Variants in HDAC4 observed in about 807,000 individuals in gnomAD.
The protein encoded by HDAC4 is histone deacetylase A.
HDAC4 carries 16 observed loss-of-function variants against 135.1 expected under a neutral mutation model. That is an observed-to-expected ratio of 0.12 (90% CI 0.08 to 0.18). The LOEUF (loss-of-function observed/expected upper bound fraction) is 0.18, where lower values mean the gene tolerates loss of function less well. HDAC4 is among the 10% of genes least tolerant of loss of function. The pLI is 1.00. For synonymous variants in HDAC4, 685 were observed against 653.4 expected (o/e 1.05, Z -0.74); for missense variants, 1,143 against 1,511.8 (o/e 0.76, Z 4.05).
At position 239,400,930 on chromosome 2, in the gene HDAC4, G is replaced by T. The variant is rs927574741; in HGVS notation, c.-220+48C>A. On this transcript the variant is annotated intron_variant, in intron 1 of 26. Transcript: ENST00000543185. This position sits in a 1 kb window ranked among gnomAD's most constrained non-coding sequence, Gnocchi z 4.7. Reference sequence around the variant, plus strand: ...GCGGCGGCGGGGACGGTGCTCCGCGGCGGCGGCCCCACAACCTCCCCTCCT... The same window carrying T: ...GCGGCGGCGGGGACGGTGCTCCGCGTCGGCGGCCCCACAACCTCCCCTCCT... 1.3e-5 allele frequency: 2 copies of T among 150,178 alleles called. No individual in the cohort carries two copies. Among genetic ancestry groups the T allele is most frequent in the African/African-American group, 4.9e-5 (2 of 41,112 alleles). 9.3% of individuals were successfully genotyped at this position (150,178 alleles called of 1,614,324 possible).
intron 2 of HDAC4, among the ~76,000 whole-genome samples, chr2:239,304,236 C>T (rs527825043): frequency 6.6e-6 from 1 of 152,036 alleles, no homozygotes; most frequent in African/African-American, 2.4e-5. Context: ...GACACAAAGC[C>T]CAGAGCTGGG....
rs1303310913 is a variant in HDAC4 at position 239,146,573 on chromosome 2, C to T, written c.734-1859G>A. ...CGCCTCCCCCAGGCCCTGTGGGGGT[C>T]ATCACGCTGCCACCAGGTCATCAGT... On this transcript the variant is annotated intron_variant, in intron 7 of 26. Transcript: ENST00000543185. The surrounding 1 kb of genome is among the most constrained non-coding windows in gnomAD (Gnocchi z 4.5). Among the ~76,000 whole-genome samples the T allele has an allele frequency of 6.6e-6, 1 of 152,160 alleles. No individual in the cohort carries two copies. Among genetic ancestry groups the T allele is most frequent in the Admixed American group, 6.5e-5 (1 of 15,286 alleles).
intron 2 of HDAC4, among the ~76,000 whole-genome samples, chr2:239,323,222 C>T (rs1406972164): frequency 1.3e-5 from 2 of 152,072 alleles, no homozygotes; most frequent in African/African-American, 4.8e-5. Context: ...GCTGTTCTAT[C>T]GTGTATGTAA....
chr2:239,315,476 C>T (rs998033086), intron 2 of HDAC4, among the ~76,000 whole-genome samples: 1 of 152,174 alleles, frequency 6.6e-6, no homozygotes, highest in African/African-American at 2.4e-5. Context: ...GAGAAACATT[C>T]AAAATGAAAC....
chr2:239,370,433 G>A (rs1694521418), intron 1 of HDAC4, among the ~76,000 whole-genome samples: 1 of 151,908 alleles, frequency 6.6e-6, no homozygotes, highest in African/African-American at 2.4e-5. Flanking sequence ...CTGCTACTTA[G>A]CAGACTTGTA....
chr2:239,192,568 G>T (rs2045061999), intron 3 of HDAC4, among the ~76,000 whole-genome samples: 1 of 152,162 alleles, frequency 6.6e-6, no homozygotes, highest in African/African-American at 2.4e-5. Flanking sequence ...TCAGCTGGCG[G>T]GCTCCCTGCT....
At chr2:239,056,244 G>A (rs1361192481) in intron 24 of HDAC4, among the ~76,000 whole-genome samples, 1 of 152,232 alleles carries the variant, frequency 6.6e-6, no homozygotes, top group Admixed American at 6.5e-5. Flanking sequence ...ACACGGAAGT[G>A]AGTCAGCACG....
At chr2:239,286,287 A>C (rs1311255990) in intron 2 of HDAC4, among the ~76,000 whole-genome samples, 1 of 152,254 alleles carries the variant, frequency 6.6e-6, no homozygotes, top group Non-Finnish European at 1.5e-5. Flanking sequence ...CATTTTAAAA[A>C]AAAGAAAACC....
At chr2:239,249,311 G>A (rs1159689133) in intron 2 of HDAC4, among the ~76,000 whole-genome samples, 3 of 152,228 alleles carry the variant, frequency 2.0e-5, no homozygotes, top group African/African-American at 7.2e-5. Flanking sequence ...GTGTCGCCCA[G>A]GGCGGGGAGG....
intron 2 of HDAC4, among the ~76,000 whole-genome samples, chr2:239,248,968 C>T (rs114442956): frequency 6.9e-4 from 105 of 152,370 alleles, no homozygotes; most frequent in African/African-American, 2.5e-3. Context: ...CCCAAACTTC[C>T]ACTGCTGAAG....
chr2:239,311,353 A>C (rs1214622915), intron 2 of HDAC4, among the ~76,000 whole-genome samples: 1 of 152,178 alleles, frequency 6.6e-6, no homozygotes, highest in African/African-American at 2.4e-5. Flanking sequence ...CCCGACGCTC[A>C]CCGTTAGACT....
At chr2:239,085,936 G>A (rs544631285) in intron 19 of HDAC4, 2 of 148,632 alleles carry the variant, frequency 1.3e-5, no homozygotes, top group South Asian at 2.2e-4. Context: ...GCTCTAACAC[G>A]CGGATCTGAC....
intron 21 of HDAC4, 152 bp from the exon 22 acceptor site, chr2:239,081,344 A>G (rs966939715): frequency 1.4e-6 from 1 of 702,606 alleles, no homozygotes; most frequent in African/African-American, 1.8e-5. Context: ...CATATTCATT[A>G]AGACGCGTGT....
At chr2:239,336,569 A>C (rs1691953624) in intron 2 of HDAC4, among the ~76,000 whole-genome samples, 1 of 152,238 alleles carries the variant, frequency 6.6e-6, no homozygotes, top group Non-Finnish European at 1.5e-5. Context: ...AAGTAACTAC[A>C]GTATACAGCC....
At chr2:239,300,201 CT>C (rs2052169193) in intron 2 of HDAC4, among the ~76,000 whole-genome samples, 2 of 152,210 alleles carry the variant, frequency 1.3e-5, no homozygotes, top group Non-Finnish European at 2.9e-5. Context: ...CAAGCATCCC[CT>C]CTTTTTACCC....
intron 2 of HDAC4, among the ~76,000 whole-genome samples, chr2:239,325,439 A>G (rs2053441347): frequency 2.0e-5 from 3 of 152,284 alleles, no homozygotes; most frequent in Admixed American, 2.0e-4. Context: ...CAAAGAAAAT[A>G]TGCCAACGGC....
intron 2 of HDAC4, among the ~76,000 whole-genome samples, chr2:239,317,039 A>G (rs1423735739): frequency 6.6e-6 from 1 of 152,174 alleles, no homozygotes; most frequent in East Asian, 1.9e-4. Context: ...TGTGCGTAAG[A>G]GCTTGCCAAA....
intron 2 of HDAC4, among the ~76,000 whole-genome samples, chr2:239,271,982 G>C (rs2050085893): frequency 6.6e-6 from 1 of 152,032 alleles, no homozygotes; most frequent in African/African-American, 2.4e-5. Flanking sequence ...GCACAGTAAT[G>C]ACAAAAAAGC....
intron 2 of HDAC4, among the ~76,000 whole-genome samples, chr2:239,249,145 C>G (rs1274218671): frequency 6.6e-6 from 1 of 152,168 alleles, no homozygotes; most frequent in Non-Finnish European, 1.5e-5. Flanking sequence ...GATCAACGAT[C>G]CCAACGAGGT....
Sources: allele counts gnomAD v4.1 joint callset (sites outside exome capture counted in the v4.1 genomes callset), GRCh38; gene constraint gnomAD v4.1.1; non-coding constraint Gnocchi (gnomAD v3.1); transcripts MANE v1.5; gene names NCBI Gene and HGNC (gene_info 2026-07-23, HGNC 2026-07-21).